PCLO: variants seen among roughly 807,000 people sequenced by gnomAD.
PCLO encodes the protein piccolo presynaptic cytomatrix protein.
In PCLO, 82 loss-of-function variants were observed where a neutral mutation model predicts 427.5. That is an observed-to-expected ratio of 0.19 (90% CI 0.16 to 0.23). The LOEUF is 0.23. Ranked by LOEUF, PCLO falls within the 10% of genes least tolerant of loss-of-function variation. The probability of loss-of-function intolerance (pLI) is 1.00; values close to 1 mark genes in which losing one functional copy is unlikely to be tolerated. For missense variants in PCLO, 6,239 were observed against 6,115.9 expected, an observed-to-expected ratio of 1.02 and a Z score of -0.67; for synonymous variants, 2,357 against 2,155.4, an observed-to-expected ratio of 1.09 and a Z score of -2.59.
chr7:83,005,342 A>C (rs1222825068), intron 3 of PCLO, among the ~76,000 whole-genome samples: 2 of 151,598 alleles, frequency 1.3e-5, no homozygotes, highest in Admixed American at 1.3e-4. Flanking sequence ...GCATACTCTC[A>C]ATTATATGTG....
intron 3 of PCLO, among the ~76,000 whole-genome samples, chr7:83,090,569 T>C (rs1790352999): frequency 6.6e-6 from 1 of 152,158 alleles, no homozygotes; most frequent in Non-Finnish European, 1.5e-5. Context: ...TCCTCATTAT[T>C]AAATTAATTT....
intron 20 of PCLO, chr7:82,821,105 T>C (rs1229003396): frequency 1.9e-6 from 2 of 1,059,362 alleles, no homozygotes; most frequent in Non-Finnish European, 2.3e-6. Flanking sequence ...AGGGCCTTTC[T>C]GCTCACCTCC....
rs368294852 is a variant in PCLO, at chr7:82,766,838, C to T, written c.15008-5345G>A. On this transcript the variant is annotated intron_variant, in intron 22 of 24. Transcript: ENST00000333891. ...GTTTCTTTCTTGGAATGCTTAACTTCACAGGCTTCACAGTGTGATACTTGT... is the reference window on the plus strand; with the variant it reads ...GTTTCTTTCTTGGAATGCTTAACTTTACAGGCTTCACAGTGTGATACTTGT... Among the ~76,000 whole-genome samples the T allele has an allele frequency of 3.9e-5, 6 of 152,188 alleles. No individual in the cohort carries two copies. The East Asian group carries it at 1.2e-3, about 29-fold the overall frequency.
chr7:83,021,544 T>C (rs1192748455), intron 3 of PCLO, among the ~76,000 whole-genome samples: 1 of 152,202 alleles, frequency 6.6e-6, no homozygotes, highest in Non-Finnish European at 1.5e-5. Context: ...TACACTGTTG[T>C]AACACAATGT....
At chr7:83,095,791 T>C (rs78637022) in intron 3 of PCLO, among the ~76,000 whole-genome samples, 3,841 of 152,152 alleles carry the variant, frequency 0.025, 158 homozygotes, top group African/African-American at 0.088. Context: ...GAGAACTCAT[T>C]CTATATGATT....
At chr7:83,050,303 GC>G (rs1789219061) in intron 3 of PCLO, among the ~76,000 whole-genome samples, 1 of 52,024 alleles carries the variant, frequency 1.9e-5, no homozygotes, top group Non-Finnish European at 4.1e-5. Flanking sequence ...AACCAAAAAA[GC>G]AAATACTTTC....
In PCLO at chr7:82,953,390, T is replaced by C. The variant is rs1584209879; in HGVS notation, c.7563A>G (p.Thr2521=). The change falls in exon 5 of 25, where the codon ACA becomes ACG. Residue 2521 remains threonine, a synonymous_variant. Transcript: ENST00000333891. ...GTATATCTGTTGGTTTTTGTGTAGTTGTTGGAAGCTGAGGAATCACTGGTT... is the reference window on the plus strand; with the variant it reads ...GTATATCTGTTGGTTTTTGTGTAGTCGTTGGAAGCTGAGGAATCACTGGTT... ...APKPVIPQLP[T]TTQKPTDIHP... is the part of the protein sequence containing the mutation. The C allele has an allele frequency of 6.2e-7, 1 of 1,613,634 alleles. No individual in the cohort carries two copies. The highest frequency in any genetic ancestry group is 1.6e-4 in the Middle Eastern group (1 of 6,062).
intron 16 of PCLO, among the ~76,000 whole-genome samples, chr7:82,830,283 A>C (rs919901645): frequency 7.9e-5 from 12 of 151,944 alleles, no homozygotes; most frequent in Admixed American, 7.9e-4. Context: ...ATAATGAAAA[A>C]TTCAAAAATT....
At chr7:82,961,431 T>C (rs927471822) in intron 4 of PCLO, among the ~76,000 whole-genome samples, 1 of 152,176 alleles carries the variant, frequency 6.6e-6, no homozygotes, top group Non-Finnish European at 1.5e-5. Flanking sequence ...TGGGGAATGT[T>C]AGCGGTTGCT....
chr7:83,097,307 G>A (rs1790612381), intron 3 of PCLO, among the ~76,000 whole-genome samples: 1 of 142,748 alleles, frequency 7.0e-6, no homozygotes, highest in African/African-American at 2.6e-5. Flanking sequence ...CGGATCACGA[G>A]GTCAGGAGAT....
chr7:82,846,872 T>A (rs1357263793), intron 11 of PCLO, among the ~76,000 whole-genome samples: 4 of 152,154 alleles, frequency 2.6e-5, no homozygotes, highest in African/African-American at 9.7e-5. Flanking sequence ...GTAAGTTCAT[T>A]TTTAAATACA....
intron 10 of PCLO, among the ~76,000 whole-genome samples, chr7:82,854,260 G>A (rs1332186378): frequency 6.6e-6 from 1 of 151,872 alleles, no homozygotes; most frequent in Non-Finnish European, 1.5e-5. Context: ...ATTTGGATTG[G>A]TTAACTCTGC....
At chr7:83,136,552 T>C (rs957961537) in intron 2 of PCLO, among the ~76,000 whole-genome samples, 2 of 152,288 alleles carry the variant, frequency 1.3e-5, no homozygotes, top group Admixed American at 6.5e-5. Flanking sequence ...ATACAAATTG[T>C]TAACAATGCT....
At chr7:82,888,147 T>C (rs1334900595) in intron 9 of PCLO, among the ~76,000 whole-genome samples, 2 of 151,940 alleles carry the variant, frequency 1.3e-5, no homozygotes, top group East Asian at 1.9e-4. Flanking sequence ...GAAAAAGCCA[T>C]CTTATATGAG....
In PCLO at chr7:82,915,763, T is replaced by C; in HGVS notation, c.12223A>G (p.Lys4075Glu). The C allele has an allele frequency of 6.2e-7, 1 of 1,612,358 alleles. No individual in the cohort carries two copies. The highest frequency in any genetic ancestry group is 8.5e-7 in the Non-Finnish European group (1 of 1,179,098). ...AFSLHEKDLS[K>E]TDRLLRTTET... ...GTGGTTCGAAGGAGACGGTCTGTTT[T>C]TGACAGATCCTTTTCATGAAGGCTA... is the stretch of plus-strand genomic sequence containing the variant. The change falls in exon 7 of 25, where the codon AAA becomes GAA. Residue 4075 changes from lysine (K) to glutamate (E), a missense_variant. This residue lies in a region of PCLO where 680 missense variants were observed against 677.3 expected (regional missense o/e 1.00). Transcript: ENST00000333891.
At chr7:82,978,859 C>CAA (rs1323354512) in intron 3 of PCLO, among the ~76,000 whole-genome samples, 1 of 16,376 alleles carries the variant, frequency 6.1e-5, no homozygotes, top group Non-Finnish European at 2.8e-4. Flanking sequence ...CACACACAAA[C>CAA]ACACACACAC....
intron 20 of PCLO, among the ~76,000 whole-genome samples, chr7:82,811,054 T>C (rs1416545524): frequency 2.0e-5 from 3 of 151,696 alleles, no homozygotes; most frequent in Non-Finnish European, 4.4e-5. Context: ...ACAGAGCTAT[T>C]TCCAAATATT....
At chr7:83,026,550 A>C (rs1285849733) in intron 3 of PCLO, among the ~76,000 whole-genome samples, 1 of 151,316 alleles carries the variant, frequency 6.6e-6, no homozygotes, top group Non-Finnish European at 1.5e-5. Context: ...GATCAACGAG[A>C]CAGAAAGTCA....
chr7:83,047,312 A>AT (rs1351458153), intron 3 of PCLO, among the ~76,000 whole-genome samples: 1 of 152,000 alleles, frequency 6.6e-6, no homozygotes, highest in Non-Finnish European at 1.5e-5. Flanking sequence ...CAGGCATGAC[A>AT]TTTTTTAACA....
Sources: gnomAD v4.1 joint callset for allele counts (sites outside exome capture counted in the v4.1 genomes callset) on GRCh38, gnomAD v4.1.1 for gene constraint, gnomAD v4.1.1 regional missense constraint, MANE v1.5 for transcripts, NCBI Gene and HGNC (gene_info 2026-07-23, HGNC 2026-07-21) for gene names.